Variants in UTP18 observed in about 807,000 individuals in gnomAD.
The protein encoded by UTP18 is UTP18 small subunit processome component.
UTP18 carries 36 observed loss-of-function variants against 61.1 expected under a neutral mutation model. The observed-to-expected ratio is 0.59, with a 90% CI of 0.45 to 0.78. The LOEUF is 0.78. Ranked by LOEUF, UTP18 falls within the 30% of genes least tolerant of loss-of-function variation. UTP18 has a pLI of 0.00. For synonymous variants in UTP18, 282 were observed against 251.1 expected (o/e 1.12, Z -1.16); for missense variants, 753 against 693.9 (o/e 1.09, Z -0.96).
At chr17:51,275,762 AT>A in intron 5 of UTP18, 103 bp from the exon 6 acceptor site, 9 of 1,134,048 alleles carry the variant, frequency 7.9e-6, no homozygotes, top group East Asian at 3.3e-5. Flanking sequence ...ATTCCAGTGC[AT>A]TTTTTTCCTT....
rs779135385 is a variant in UTP18, at chr17:51,260,584, G to C, written c.-1G>C. The C allele has an allele frequency of 8.1e-6, 13 of 1,611,634 alleles. No homozygotes were observed. Among genetic ancestry groups the C allele is most frequent in the African/African-American group, 1.3e-5 (1 of 74,794 alleles). On this transcript the variant is annotated 5_prime_UTR_variant, in exon 1 of 14. Transcript: ENST00000225298. Reference sequence around the variant, plus strand: ...GCCTGCGTTTCTCCTCAAACCTAACGATGCCGCCGGAGCGGAGGAGACGAA... The same window carrying C: ...GCCTGCGTTTCTCCTCAAACCTAACCATGCCGCCGGAGCGGAGGAGACGAA...
At chr17:51,275,763 T>A in intron 5 of UTP18, 103 bp from the exon 6 acceptor site, 4 of 1,087,500 alleles carry the variant, frequency 3.7e-6, no homozygotes, top group Non-Finnish European at 4.7e-6. Flanking sequence ...TTCCAGTGCA[T>A]TTTTTTCCTT....
At chr17:51,282,626 GA>G (rs1904975518) in intron 9 of UTP18, among the ~76,000 whole-genome samples, 1 of 151,354 alleles carries the variant, frequency 6.6e-6, no homozygotes, top group Non-Finnish European at 1.5e-5. Context: ...GTTGGGGAGG[GA>G]AAAGAGGTGG....
At chr17:51,286,666 C>A in intron 10 of UTP18, 1 of 434,230 alleles carries the variant, frequency 2.3e-6, no homozygotes. Flanking sequence ...TCCTTTCCTA[C>A]CCATACCCGT....
At chr17:51,271,559 T>C (rs1904531217) in intron 4 of UTP18, among the ~76,000 whole-genome samples, 2 of 152,214 alleles carry the variant, frequency 1.3e-5, no homozygotes, top group Non-Finnish European at 1.5e-5. Flanking sequence ...TTTTTCTTTC[T>C]GTACTTCAGT....
intron 2 of UTP18, among the ~76,000 whole-genome samples, chr17:51,264,447 CT>C: frequency 6.6e-6 from 1 of 152,084 alleles, no homozygotes; most frequent in East Asian, 1.9e-4. Flanking sequence ...AAGAAAGATT[CT>C]TTGAGGTAGA....
intron 7 of UTP18, among the ~76,000 whole-genome samples, chr17:51,278,724 A>G (rs1250745266): frequency 6.6e-6 from 1 of 152,206 alleles, no homozygotes; most frequent in Non-Finnish European, 1.5e-5. Flanking sequence ...TCACGTAATG[A>G]TATTTTCTTT....
At position 51,277,132 on chromosome 17, in the gene UTP18, T is replaced by G; in HGVS notation, c.840T>G (p.Val280=). Residue 280 remains valine (V), a splice_region_variant and synonymous_variant, in exon 7 of 14, where the codon GTT becomes GTG. Coordinates refer to ENST00000225298, the MANE Select transcript of UTP18 (RefSeq NM_016001.3). ...GLDNAVSLFQ[V]DGKTNPKIQS... The stretch of plus-strand genomic sequence containing the variant: ...AACCATTTTGTACTTCTTTATAGGT[T>G]GATGGGAAAACAAATCCTAAAATTC... 1 of 1,613,900 alleles carries G rather than the reference T, an allele frequency of 6.2e-7. No individual in the cohort carries two copies. Among genetic ancestry groups the G allele is most frequent in the Non-Finnish European group, 8.5e-7 (1 of 1,179,904 alleles).
chr17:51,267,642 G>A (rs1345429217), intron 3 of UTP18, among the ~76,000 whole-genome samples: 1 of 151,988 alleles, frequency 6.6e-6, no homozygotes, highest in African/African-American at 2.4e-5. Flanking sequence ...ATTCAATTAC[G>A]TATTTTGGTG....
At chr17:51,264,041 T>A (rs551675603) in intron 2 of UTP18, among the ~76,000 whole-genome samples, 180 of 151,028 alleles carry the variant, frequency 1.2e-3, no homozygotes, top group Non-Finnish European at 1.9e-3. Flanking sequence ...TTTTTTTTTT[T>A]AATTATTTTT....
rs764793948 is a variant in UTP18 at position 51,268,843 on chromosome 17, A to G, written c.561A>G (p.Gln187=). 5 of 1,613,870 alleles carry G rather than the reference A, an allele frequency of 3.1e-6. No individual in the cohort carries two copies. The East Asian group carries it at 8.9e-5, about 29-fold the overall frequency. ...TTCAAATATTTTTGCTTAGATTCCA[A>G]CATGCCATGGGAGGAGTACCTGCCT... is the stretch of plus-strand genomic sequence containing the variant. ...NLKKRLKEEF[Q]HAMGGVPAWA... Residue 187 remains glutamine, a synonymous_variant, in exon 4 of 14, where the codon CAA becomes CAG. Coordinates refer to ENST00000225298, the MANE Select transcript of UTP18 (RefSeq NM_016001.3).
Position 51,263,326 on chromosome 17 carries a change from G to C in UTP18, c.395G>C (p.Gly132Ala). 6.2e-7 allele frequency: 1 copy of C among 1,614,184 alleles called. No individual in the cohort carries two copies. The highest frequency in any genetic ancestry group is 8.5e-7 in the Non-Finnish European group (1 of 1,180,014). ...TCAGAAGTGGAGAATGAAGCAAAAG[G>C]TAATTTTCCACCTCAAAAGAAGCCA... is the stretch of plus-strand genomic sequence containing the variant. Reference protein sequence around the residue: ...GDSEVENEAKGNFPPQKKPVW... With the variant: ...GDSEVENEAKANFPPQKKPVW... The change falls in exon 2 of 14, where the codon GGT (glycine) becomes GCT (alanine). Residue 132 changes from glycine (G) to alanine (A), a missense_variant. By Grantham distance (60) the Gly-to-Ala change is moderately conservative. Transcript: ENST00000225298.
At chr17:51,264,046 AT>A (rs1432476745) in intron 2 of UTP18, among the ~76,000 whole-genome samples, 3 of 131,506 alleles carry the variant, frequency 2.3e-5, no homozygotes, top group Admixed American at 1.5e-4. Flanking sequence ...TTTTTTAATT[AT>A]TTTTTTTGAA....
chr17:51,277,944 C>G (rs1225579533), intron 7 of UTP18, among the ~76,000 whole-genome samples: 2 of 152,120 alleles, frequency 1.3e-5, no homozygotes, highest in East Asian at 3.9e-4. Context: ...TCTGGCTAAT[C>G]TCAGGAGGTA....
intron 3 of UTP18, among the ~76,000 whole-genome samples, chr17:51,266,946 T>A (rs1428357304): frequency 6.6e-6 from 1 of 152,100 alleles, no homozygotes; most frequent in Non-Finnish European, 1.5e-5. Context: ...GCAACCTCTA[T>A]CTCCTGGGCT....
chr17:51,276,058 A>AC (rs1425433702), intron 6 of UTP18, 67 bp downstream of exon 6: 7 of 1,472,116 alleles, frequency 4.8e-6, no homozygotes, highest in Non-Finnish European at 6.4e-6. Context: ...GACATTTGCA[A>AC]CCCCAAATGC....
At chr17:51,264,248 C>T (rs576127966) in intron 2 of UTP18, among the ~76,000 whole-genome samples, 4 of 152,000 alleles carry the variant, frequency 2.6e-5, no homozygotes, top group South Asian at 2.1e-4. Flanking sequence ...AGTTTTGCTA[C>T]GTTGGCCAGG....
chr17:51,272,067 T>G (rs1904547627), intron 4 of UTP18, among the ~76,000 whole-genome samples: 1 of 152,184 alleles, frequency 6.6e-6, no homozygotes, highest in Non-Finnish European at 1.5e-5. Context: ...TCTTTCATTC[T>G]TAAATATATT....
chr17:51,267,330 C>T (rs1208048598), intron 3 of UTP18, among the ~76,000 whole-genome samples: 4 of 152,068 alleles, frequency 2.6e-5, no homozygotes, highest in Admixed American at 6.6e-5. Context: ...CATTTTAAGA[C>T]TCCTGTTTTT....
Sources: allele counts gnomAD v4.1 joint callset (sites outside exome capture counted in the v4.1 genomes callset), GRCh38; gene constraint gnomAD v4.1.1; transcripts MANE v1.5; gene names NCBI Gene and HGNC (gene_info 2026-07-23, HGNC 2026-07-21).